Variants in OTUD4 observed in about 807,000 individuals in gnomAD.
OTUD4 encodes OTU domain-containing protein 4.
In OTUD4, 24 loss-of-function variants were observed where a neutral mutation model predicts 130.4. The observed-to-expected ratio is 0.18, with a 90% CI of 0.13 to 0.26. OTUD4 has a LOEUF of 0.26. Among genes scored for constraint, OTUD4 ranks in the 10% least tolerant of loss-of-function variants. The probability of loss-of-function intolerance (pLI) is 1.00; values close to 1 mark genes in which losing one functional copy is unlikely to be tolerated. For synonymous variants in OTUD4, 420 were observed against 472.5 expected, an observed-to-expected ratio of 0.89 and a Z score of 1.44; for missense variants, 1,031 against 1,329.4, an observed-to-expected ratio of 0.78 and a Z score of 3.49.
At chr4:145,146,470 A>T in intron 13 of OTUD4, 41 bp from the exon 14 acceptor site, 2 of 1,042,438 alleles carry the variant, frequency 1.9e-6, no homozygotes, top group Non-Finnish European at 2.6e-6. Flanking sequence ...ACATAAATAA[A>T]TAAATAAATA....
chr4:145,156,587 G>A (rs1751305871), intron 7 of OTUD4, among the ~76,000 whole-genome samples: 1 of 152,004 alleles, frequency 6.6e-6, no homozygotes, highest in Non-Finnish European at 1.5e-5. Context: ...GGAGGCTGAG[G>A]CAGGAGAATC....
chr4:145,141,126 A>G (rs1342557793), intron 19 of OTUD4, among the ~76,000 whole-genome samples: 2 of 148,300 alleles, frequency 1.3e-5, no homozygotes, highest in African/African-American at 5.0e-5. Flanking sequence ...CCGAGATCAC[A>G]CCACTGCACT....
chr4:145,137,746 T>G lies in OTUD4; in HGVS notation c.3029A>C (p.Asn1010Thr). 6.2e-7 allele frequency: 1 copy of G among 1,614,066 alleles called. No homozygotes were observed. Residue 1010 changes from asparagine (N) to threonine (T), a missense_variant, in exon 21 of 21, where the codon AAC (asparagine) becomes ACC (threonine). Asn to Thr is a moderately conservative substitution (Grantham distance 65). Around this residue, in one of 3 missense-constraint regions of OTUD4, gnomAD observed 900 missense variants for 1,095.9 expected, o/e 0.82. Coordinates refer to ENST00000447906, the MANE Select transcript of OTUD4 (RefSeq NM_001366057.1). ...TAADVVSPGA[N>T]SVDSRVQRPK... is the part of the protein sequence containing the mutation. ...TCTTTGCACTCTGCTATCAACAGAG[T>G]TGGCCCCAGGGCTGACCACATCAGC...
In OTUD4 at chr4:145,135,083, T is replaced by TA. The variant is rs35697444; in HGVS notation, c.*2346dup. The TA allele has an allele frequency of 0.11, 38,900 of 356,438 alleles. 3,973 individuals are homozygous for TA. Among genetic ancestry groups the TA allele is most frequent in the East Asian group, 0.4 (9,859 of 24,652 alleles). 22.1% of individuals were successfully genotyped at this position (356,438 alleles called of 1,614,324 possible). ...GGACTAATACATTTAAAAACAAACT[T>TA]AAAGGAAAAAAAGCGAAACCAACCT... On this transcript the variant is annotated 3_prime_UTR_variant, in exon 21 of 21. Transcript: ENST00000447906.
At chr4:145,156,138 A>G in intron 7 of OTUD4, 142 bp from the exon 8 acceptor site, 1 of 588,012 alleles carries the variant, frequency 1.7e-6, no homozygotes, top group South Asian at 2.6e-5. Context: ...GTTTTGGTAC[A>G]AGTATATCTA....
At position 145,155,487 on chromosome 4, in the gene OTUD4, A is replaced by T. The variant is rs760944703; in HGVS notation, c.809-12T>A. 5.6e-6 allele frequency: 9 copies of T among 1,608,502 alleles called. No homozygotes were observed. In the African/African-American group the frequency reaches 1.2e-4, roughly 22 times the overall value. On this transcript the variant is annotated splice_polypyrimidine_tract_variant and intron_variant, in intron 9 of 20. Transcript: ENST00000447906. ...ACGTTTTTGCTGAGCTGTTAAAAAAAAAAAGGTCAGTATAATATAAAGTTG... is the reference window on the plus strand; with the variant it reads ...ACGTTTTTGCTGAGCTGTTAAAAAATAAAAGGTCAGTATAATATAAAGTTG...
At chr4:145,155,205 G>A (rs545728103) in intron 10 of OTUD4, among the ~76,000 whole-genome samples, 4 of 152,050 alleles carry the variant, frequency 2.6e-5, no homozygotes, top group South Asian at 2.1e-4. Context: ...GGGATGCCAC[G>A]GTTTTAGATA....
chr4:145,178,339 C>G (rs577689885), intron 1 of OTUD4, among the ~76,000 whole-genome samples: 2 of 152,158 alleles, frequency 1.3e-5, no homozygotes, highest in Non-Finnish European at 2.9e-5. Flanking sequence ...CTTCCCTTAC[C>G]GCCATTTATT....
At position 145,146,344 on chromosome 4, in the gene OTUD4, C is replaced by T; in HGVS notation, c.1345G>A (p.Glu449Lys). Reference sequence around the variant, plus strand: ...CGGGATTCTTCTATAGCTTGCTTCTCTCTGCGCTCTTCTGGGGAAAGGCCG... The same window carrying T: ...CGGGATTCTTCTATAGCTTGCTTCTTTCTGCGCTCTTCTGGGGAAAGGCCG... ...YFGLSPEERR[E>K]KQAIEESRLL... The change falls in exon 14 of 21, where the codon GAG becomes AAG. Residue 449 changes from glutamate to lysine, a missense_variant. Glu to Lys is a moderately conservative substitution (Grantham distance 56). Transcript: ENST00000447906. 6.3e-7 allele frequency: 1 copy of T among 1,598,258 alleles called. No homozygotes were observed. Among genetic ancestry groups the T allele is most frequent in the Non-Finnish European group, 8.5e-7 (1 of 1,174,386 alleles).
At chr4:145,165,488 T>A (rs1014349341) in intron 3 of OTUD4, among the ~76,000 whole-genome samples, 2 of 152,166 alleles carry the variant, frequency 1.3e-5, no homozygotes, top group African/African-American at 4.8e-5. Flanking sequence ...GAGACTTTTT[T>A]TTTTTTGAGA....
rs1483992360 is a variant in OTUD4, at chr4:145,135,763, C to G, written c.*1667G>C. The G allele has an allele frequency of 1.3e-5, 2 of 152,576 alleles. No homozygotes were observed. Among genetic ancestry groups the G allele is most frequent in the Non-Finnish European group, 2.9e-5 (2 of 68,014 alleles). The allele number at this position is 152,576 out of a possible 1,614,324, so 9.5% of individuals were successfully genotyped here. A position where few individuals can be genotyped will look rare whatever the true frequency, so the allele number is the denominator to read the frequency against. On this transcript the variant is annotated 3_prime_UTR_variant, in exon 21 of 21. Transcript: ENST00000447906. ...GCTCTCTAAAATCCTGTTACATTAT[C>G]TAAATGCTAATCACTACTCAAATCA... is the stretch of plus-strand genomic sequence containing the variant.
At chr4:145,165,981 G>A (rs902725629) in intron 3 of OTUD4, among the ~76,000 whole-genome samples, 1 of 151,716 alleles carries the variant, frequency 6.6e-6, no homozygotes, top group Non-Finnish European at 1.5e-5. Context: ...GACCAACATG[G>A]AGAAACCCCC....
chr4:145,170,187 T>G (rs941835961), intron 3 of OTUD4, among the ~76,000 whole-genome samples: 1 of 152,238 alleles, frequency 6.6e-6, no homozygotes, highest in East Asian at 1.9e-4. Context: ...CATTTTCACA[T>G]GCACATCAAG....
Position 145,159,508 on chromosome 4 carries a change from A to C in OTUD4, c.624T>G (p.Ser208Arg). Residue 208 changes from serine to arginine, a missense_variant, in exon 7 of 21, where the codon AGT (serine) becomes AGG (arginine). By Grantham distance (110) the Ser-to-Arg change is moderately radical. This residue lies in a region of OTUD4 where 900 missense variants were observed against 1,095.9 expected (regional missense o/e 0.82). Coordinates refer to ENST00000447906, the MANE Select transcript of OTUD4 (RefSeq NM_001366057.1). ...NSEISDSEDD[S>R]CKSKTAAAAA... ...TTTTAGGATTTCATTCTTACTTGCA[A>C]CTGTCATCCTCTGAATCTGATATTT... The C allele has an allele frequency of 6.2e-7, 1 of 1,613,546 alleles. No individual in the cohort carries two copies. The highest frequency in any genetic ancestry group is 8.5e-7 in the Non-Finnish European group (1 of 1,179,698).
At chr4:145,160,570 T>C (rs1553999992) in intron 6 of OTUD4, among the ~76,000 whole-genome samples, 2 of 152,182 alleles carry the variant, frequency 1.3e-5, no homozygotes, top group Admixed American at 6.5e-5. Flanking sequence ...CCCAACACTT[T>C]GGGAGACCAA....
chr4:145,175,429 G>C (rs1752370654), intron 1 of OTUD4, among the ~76,000 whole-genome samples: 1 of 152,176 alleles, frequency 6.6e-6, no homozygotes, highest in Non-Finnish European at 1.5e-5. Context: ...GTATGATCCA[G>C]ATCCTCTCAC....
At chr4:145,166,503 A>T (rs924086599) in intron 3 of OTUD4, among the ~76,000 whole-genome samples, 122 of 139,318 alleles carry the variant, frequency 8.8e-4, no homozygotes, top group African/African-American at 3.1e-3. Context: ...AACAGTGTTT[A>T]AAAAAAAAAA....
At chr4:145,167,628 G>A (rs1249774237) in intron 3 of OTUD4, among the ~76,000 whole-genome samples, 1 of 152,116 alleles carries the variant, frequency 6.6e-6, no homozygotes, top group Non-Finnish European at 1.5e-5. Flanking sequence ...AGGCCAAGGA[G>A]GGTGGATTAC....
chr4:145,159,905 C>CT (rs1465470435), intron 6 of OTUD4, among the ~76,000 whole-genome samples: 1 of 152,210 alleles, frequency 6.6e-6, no homozygotes, highest in Non-Finnish European at 1.5e-5. Flanking sequence ...GGTATCACAA[C>CT]TGTGAAACAA....
Sources: allele counts gnomAD v4.1 joint callset (sites outside exome capture counted in the v4.1 genomes callset), GRCh38; gene constraint gnomAD v4.1.1; regional missense constraint gnomAD v4.1.1; transcripts MANE v1.5; gene names NCBI Gene and HGNC (gene_info 2026-07-23, HGNC 2026-07-21).